ARHGAP24: variants seen among roughly 807,000 people sequenced by gnomAD.
ARHGAP24 encodes Rho GTPase activating protein 24.
In ARHGAP24, 50 loss-of-function variants were observed where a neutral mutation model predicts 76.4. The ratio of observed to expected loss-of-function variants is 0.65; its 90% CI spans 0.52 to 0.83. The LOEUF (loss-of-function observed/expected upper bound fraction) is 0.83. Among genes scored for constraint, ARHGAP24 ranks in the 40% least tolerant of loss-of-function variants. ARHGAP24 has a pLI of 0.00. For missense variants in ARHGAP24, 930 were observed against 914.2 expected (o/e 1.02, Z -0.22); for synonymous variants, 345 against 323.3 (o/e 1.07, Z -0.72).
chr4:85,746,367 TAC>T (rs1344299309), intron 3 of ARHGAP24, among the ~76,000 whole-genome samples: 1 of 152,244 alleles, frequency 6.6e-6, no homozygotes, highest in Non-Finnish European at 1.5e-5. Flanking sequence ...TCTATTTTTC[TAC>T]AAACTTATCC....
intron 1 of ARHGAP24, among the ~76,000 whole-genome samples, chr4:85,524,480 A>G (rs778829560): frequency 9.9e-5 from 15 of 152,204 alleles, no homozygotes; most frequent in Non-Finnish European, 2.1e-4. Context: ...CATATTAAAC[A>G]TGTGAACATA....
intron 2 of ARHGAP24, among the ~76,000 whole-genome samples, chr4:85,700,394 T>TAAAAAAAAAAAAAAAAAAA (rs139515906): frequency 1.4e-5 from 1 of 71,508 alleles, no homozygotes; most frequent in African/African-American, 3.5e-5. Context: ...AGATTCTGTC[T>TAAAAAAAAAAAAAAAAAAA]AAAAAAAAAA....
chr4:85,750,518 GAC>G (rs1412680679), intron 3 of ARHGAP24, among the ~76,000 whole-genome samples: 1 of 66,884 alleles, frequency 1.5e-5, no homozygotes, highest in African/African-American at 7.4e-5. Context: ...TTTTTTTTGA[GAC>G]AGTCTTGCTC....
At chr4:85,748,975 C>T (rs1462002353) in intron 3 of ARHGAP24, among the ~76,000 whole-genome samples, 3 of 152,134 alleles carry the variant, frequency 2.0e-5, no homozygotes, top group East Asian at 3.8e-4. Context: ...TGGCAGAATA[C>T]GGTCACCAAC....
chr4:85,566,079 A>C (rs1264803121), intron 1 of ARHGAP24, among the ~76,000 whole-genome samples: 2 of 152,216 alleles, frequency 1.3e-5, no homozygotes, highest in Non-Finnish European at 2.9e-5. Context: ...GCCATCATTA[A>C]GGTTTTTGTC....
Position 85,930,213 on chromosome 4 carries a change from C to A in ARHGAP24, c.391+6443C>A, listed in dbSNP as rs369011180. 341 of 982,892 alleles carry A rather than the reference C, an allele frequency of 3.5e-4. No homozygotes were observed. The African/African-American group carries it at 5.3e-3, about 15-fold the overall frequency. 60.9% of individuals were successfully genotyped at this position (982,892 alleles called of 1,614,324 possible). A position where few individuals can be genotyped will look rare whatever the true frequency, so the allele number is the denominator to read the frequency against. Reference sequence around the variant, plus strand: ...TGCTCCCTGCAAAGCTGCCTCCCCCCACAGATCCAAAGAGCCTCTTGGAAT... The same window carrying A: ...TGCTCCCTGCAAAGCTGCCTCCCCCAACAGATCCAAAGAGCCTCTTGGAAT... On this transcript the variant is annotated intron_variant, in intron 4 of 9. Transcript: ENST00000395184.
At chr4:85,776,180 T>G (rs960743479) in intron 3 of ARHGAP24, among the ~76,000 whole-genome samples, 2 of 152,160 alleles carry the variant, frequency 1.3e-5, no homozygotes, top group Non-Finnish European at 2.9e-5. Context: ...AGTAAAAGCC[T>G]TCTTCTAGTG....
chr4:85,622,317 G>A (rs7667305), intron 2 of ARHGAP24, among the ~76,000 whole-genome samples: 135,300 of 141,232 alleles, frequency 0.96, 64,835 homozygotes, highest in East Asian at 1. Flanking sequence ...TCATTGTTCA[G>A]TTCCCACCTA....
intron 2 of ARHGAP24, among the ~76,000 whole-genome samples, chr4:85,619,939 C>T (rs1317574564): frequency 6.6e-6 from 1 of 151,784 alleles, no homozygotes; most frequent in African/African-American, 2.4e-5. Flanking sequence ...TTTAATACTT[C>T]ATTCTGTTAA....
At chr4:85,632,869 C>T (rs1367872571) in intron 2 of ARHGAP24, among the ~76,000 whole-genome samples, 1 of 151,896 alleles carries the variant, frequency 6.6e-6, no homozygotes, top group African/African-American at 2.4e-5. Context: ...AATGAGATAA[C>T]AGATGTTCTA....
intron 1 of ARHGAP24, among the ~76,000 whole-genome samples, chr4:85,518,613 G>A (rs11940882): frequency 1.3e-4 from 20 of 152,154 alleles, no homozygotes; most frequent in African/African-American, 3.4e-4. Context: ...GAGAACATAC[G>A]ATGTTTGGTT....
chr4:85,590,571 G>T (rs1175010051), intron 2 of ARHGAP24, among the ~76,000 whole-genome samples: 2 of 151,878 alleles, frequency 1.3e-5, no homozygotes, highest in African/African-American at 2.4e-5. Context: ...TGTTGGCCAG[G>T]CTGGTCTTGA....
chr4:85,535,221 AAAG>A (rs1416518676), intron 1 of ARHGAP24, among the ~76,000 whole-genome samples: 1 of 152,146 alleles, frequency 6.6e-6, no homozygotes, highest in Non-Finnish European at 1.5e-5. Context: ...TTGTTAAAGA[AAAG>A]AAAGTTTTTT....
intron 1 of ARHGAP24, among the ~76,000 whole-genome samples, chr4:85,533,072 A>C (rs1290003438): frequency 1.3e-5 from 2 of 152,170 alleles, no homozygotes; most frequent in African/African-American, 4.8e-5. Context: ...TAAAAGCCTA[A>C]ATAGATTGTT....
chr4:85,923,921 G>A, intron 4 of ARHGAP24, 151 bp downstream of exon 4: 1 of 1,182,498 alleles, frequency 8.5e-7, no homozygotes, highest in Non-Finnish European at 1.2e-6. Context: ...TTAGACGTAT[G>A]TCTTCGTAAA....
At chr4:85,513,727 G>A (rs904901630) in intron 1 of ARHGAP24, among the ~76,000 whole-genome samples, 1 of 152,126 alleles carries the variant, frequency 6.6e-6, no homozygotes, top group South Asian at 2.1e-4. Context: ...ATTGTCCATT[G>A]TATCTGATAT....
intron 5 of ARHGAP24, among the ~76,000 whole-genome samples, chr4:85,950,519 A>G (rs1002074878): frequency 6.6e-6 from 1 of 152,078 alleles, no homozygotes; most frequent in Admixed American, 6.5e-5. Context: ...AAAAATTAAA[A>G]TTAAATATAA....
At chr4:85,875,717 TA>T (rs1485044410) in intron 3 of ARHGAP24, among the ~76,000 whole-genome samples, 20 of 137,320 alleles carry the variant, frequency 1.5e-4, no homozygotes, top group Non-Finnish European at 2.7e-4. Context: ...AATTTATATA[TA>T]AAAATATACA....
chr4:85,529,843 G>A (rs1320753883), intron 1 of ARHGAP24, among the ~76,000 whole-genome samples: 1 of 151,912 alleles, frequency 6.6e-6, no homozygotes, highest in Non-Finnish European at 1.5e-5. Flanking sequence ...GTGACATCTG[G>A]TTGACTATGA....
Sources: gnomAD v4.1 joint callset for allele counts (sites outside exome capture counted in the v4.1 genomes callset) on GRCh38, gnomAD v4.1.1 for gene constraint, MANE v1.5 for transcripts, NCBI Gene and HGNC (gene_info 2026-07-23, HGNC 2026-07-21) for gene names.